BBS5: variants seen among roughly 807,000 people sequenced by gnomAD.
The protein encoded by BBS5 is Bardet-Biedl syndrome 5.
BBS5 carries 39 observed loss-of-function variants against 50.2 expected under a neutral mutation model. That is an observed-to-expected ratio of 0.78 (90% CI 0.60 to 1.01). BBS5 has a LOEUF of 1.01. Ranked by LOEUF, BBS5 falls within the 50% of genes least tolerant of loss-of-function variation. The probability of loss-of-function intolerance (pLI) is 0.00; values close to 1 mark genes in which losing one functional copy is unlikely to be tolerated. For missense variants in BBS5, 356 were observed against 401.5 expected (o/e 0.89, Z 0.97); for synonymous variants, 134 against 133.1 (o/e 1.01, Z -0.05).
At chr2:169,498,671 G>A (rs1574342233) in intron 8 of BBS5, among the ~76,000 whole-genome samples, 1 of 152,040 alleles carries the variant, frequency 6.6e-6, no homozygotes, top group South Asian at 2.1e-4. Flanking sequence ...CGGGCGTGGT[G>A]GCGGGCACCT....
intron 7 of BBS5, among the ~76,000 whole-genome samples, chr2:169,496,563 G>A (rs1683695860): frequency 6.6e-5 from 10 of 150,810 alleles, no homozygotes; most frequent in Admixed American, 4.6e-4. Context: ...GTGAAACCCA[G>A]TATCTACTAA....
rs764755791 is a variant in BBS5 at position 169,488,041 on chromosome 2, C to T, written c.313C>T (p.Arg105Cys). ...LYILTKCNSTRFEFIFTNLVP... is the reference protein window; with the variant it reads ...LYILTKCNSTCFEFIFTNLVP... Reference sequence around the variant, plus strand: ...TATACTAACAAAATGTAACAGTACTCGTTTTGAATTTATATTTACAAATTT... The same window carrying T: ...TATACTAACAAAATGTAACAGTACTTGTTTTGAATTTATATTTACAAATTT... Residue 105 changes from arginine to cysteine, a missense_variant, in exon 5 of 12, where the codon CGT (arginine) becomes TGT (cysteine). Coordinates refer to ENST00000295240, the MANE Select transcript of BBS5 (RefSeq NM_152384.3). The T allele has an allele frequency of 3.1e-6, 5 of 1,613,270 alleles. No individual in the cohort carries two copies. Among genetic ancestry groups the T allele is most frequent in the South Asian group, 1.1e-5 (1 of 91,046 alleles).
chr2:169,497,653 A>G lies in BBS5; in HGVS notation c.645A>G (p.Lys215=). 1 of 1,599,646 alleles carries G rather than the reference A, an allele frequency of 6.3e-7. No homozygotes were observed. Among genetic ancestry groups the G allele is most frequent in the Non-Finnish European group, 8.6e-7 (1 of 1,167,312 alleles). The change falls in exon 8 of 12, where the codon AAA becomes AAG. Residue 215 remains lysine (K), a synonymous_variant. Coordinates refer to ENST00000295240, the MANE Select transcript of BBS5 (RefSeq NM_152384.3). Reference sequence around the variant, plus strand: ...GTTCAATAAAGATTAGAGATTCAAAATTTGGTTTAGCTCTTGTCATAGAAA... The same window carrying G: ...GTTCAATAAAGATTAGAGATTCAAAGTTTGGTTTAGCTCTTGTCATAGAAA... ...QIRSIKIRDS[K]FGLALVIESS...
chr2:169,482,185 T>TC (rs1319006413), intron 1 of BBS5, 66 bp from the exon 2 acceptor site: 17 of 973,664 alleles, frequency 1.7e-5, no homozygotes, highest in African/African-American at 3.2e-5. Context: ...GTCTCTTTTC[T>TC]CCCTAAATAG....
chr2:169,500,760 G>T (rs555108640), intron 9 of BBS5, among the ~76,000 whole-genome samples: 4 of 152,182 alleles, frequency 2.6e-5, no homozygotes, highest in African/African-American at 9.6e-5. Flanking sequence ...TTGCATCTGG[G>T]TTTCTGACAT....
chr2:169,495,079 T>C (rs1683670499), intron 7 of BBS5, among the ~76,000 whole-genome samples: 1 of 152,224 alleles, frequency 6.6e-6, no homozygotes, highest in African/African-American at 2.4e-5. Context: ...GATACAATCA[T>C]GAAAATCATG....
Position 169,504,992 on chromosome 2 carries a change from C to T in BBS5, c.*410C>T, listed in dbSNP as rs1683878903. ...TTTCAAGGGAGCTGATAAAGAACTT[C>T]TTCCCAAAATGGCCGAAGCTGGACT... On this transcript the variant is annotated 3_prime_UTR_variant, in exon 12 of 12. Transcript: ENST00000295240. The T allele has an allele frequency of 1.5e-5, 24 of 1,611,996 alleles. No individual in the cohort carries two copies. Among genetic ancestry groups the T allele is most frequent in the East Asian group, 2.2e-5 (1 of 44,864 alleles).
rs1307902899 is a variant in BBS5, at chr2:169,506,089, G to A, written c.*1507G>A. The A allele has an allele frequency of 6.7e-6, 1 of 149,920 alleles. No individual in the cohort carries two copies. The highest frequency in any genetic ancestry group is 2.5e-5 in the African/African-American group (1 of 39,970). 9.3% of individuals were successfully genotyped at this position (149,920 alleles called of 1,614,324 possible). On this transcript the variant is annotated 3_prime_UTR_variant, in exon 12 of 12. Coordinates refer to ENST00000295240, the MANE Select transcript of BBS5 (RefSeq NM_152384.3). ...GGCTGCCCCTACTGGGAAGTGAGGA[G>A]CCCCTCTGCCCGGCCAGCCGCCCCG... is the stretch of plus-strand genomic sequence containing the variant.
intron 9 of BBS5, among the ~76,000 whole-genome samples, chr2:169,501,031 G>C (rs1683791903): frequency 6.6e-6 from 1 of 152,110 alleles, no homozygotes; most frequent in African/African-American, 2.4e-5. Context: ...CAAATGCTAC[G>C]AGTGGAATTT....
intron 10 of BBS5, 43 bp downstream of exon 10, chr2:169,503,221 A>G: frequency 6.8e-7 from 1 of 1,468,608 alleles, no homozygotes; most frequent in Non-Finnish European, 9.5e-7. Context: ...TAAGGATTTT[A>G]TCTCAGTCTT....
intron 5 of BBS5, among the ~76,000 whole-genome samples, chr2:169,489,607 GTT>G (rs1303524579): frequency 2.7e-5 from 4 of 150,610 alleles, no homozygotes; most frequent in African/African-American, 9.7e-5. Flanking sequence ...CACCCAGGCT[GTT>G]TTGTTTTTAT....
chr2:169,484,775 G>GT (rs1683461186), intron 2 of BBS5, among the ~76,000 whole-genome samples: 1 of 152,142 alleles, frequency 6.6e-6, no homozygotes, highest in Non-Finnish European at 1.5e-5. Flanking sequence ...TAATCAGAAA[G>GT]TAAGTCATAG....
chr2:169,481,621 A>AC (rs946307904), intron 1 of BBS5, among the ~76,000 whole-genome samples: 11 of 80,108 alleles, frequency 1.4e-4, no homozygotes, highest in Non-Finnish European at 3.5e-4. Context: ...ATATTTTGCT[A>AC]GGTTTTTTTT....
At chr2:169,499,273 T>C in intron 8 of BBS5, 1 of 515,122 alleles carries the variant, frequency 1.9e-6, no homozygotes, top group South Asian at 2.2e-5. Flanking sequence ...TGTTGCTGCT[T>C]CTTGAAGCTG....
At chr2:169,503,931 T>A (rs1187710482) in intron 10 of BBS5, among the ~76,000 whole-genome samples, 1 of 152,246 alleles carries the variant, frequency 6.6e-6, no homozygotes, top group African/African-American at 2.4e-5. Flanking sequence ...CAGTATCATC[T>A]TCTAAACCAA....
intron 3 of BBS5, 146 bp from the exon 4 acceptor site, chr2:169,487,660 T>A (rs1241762027): frequency 9.1e-6 from 5 of 547,340 alleles, no homozygotes; most frequent in Non-Finnish European, 1.6e-5. Flanking sequence ...TTTATAGTTA[T>A]TTCTTTAAAA....
intron 2 of BBS5, among the ~76,000 whole-genome samples, chr2:169,484,686 A>G (rs1361062662): frequency 2.0e-5 from 3 of 152,240 alleles, no homozygotes; most frequent in South Asian, 4.1e-4. Flanking sequence ...CACACTGCCC[A>G]TAGCTCATAG....
Position 169,504,680 on chromosome 2 carries a change from C to A in BBS5, c.*98C>A, listed in dbSNP as rs1683869990. On this transcript the variant is annotated 3_prime_UTR_variant, in exon 12 of 12. Coordinates refer to ENST00000295240, the MANE Select transcript of BBS5 (RefSeq NM_152384.3). ...CATGGAATAGTTTTTATATTTACAG[C>A]TTTTATATTTAAAACTTGTAAGAGT... The A allele has an allele frequency of 4.2e-6, 5 of 1,178,982 alleles. No homozygotes were observed. The highest frequency in any genetic ancestry group is 5.0e-6 in the Non-Finnish European group (4 of 804,592). 73.0% of individuals were successfully genotyped at this position (1,178,982 alleles called of 1,614,324 possible).
chr2:169,504,197 A>G, intron 10 of BBS5, 106 bp from the exon 11 acceptor site: 3 of 1,008,486 alleles, frequency 3.0e-6, no homozygotes, highest in South Asian at 2.6e-5. Flanking sequence ...AGAATGTGAA[A>G]TACATTTAGT....
Sources: gnomAD v4.1 joint callset for allele counts (sites outside exome capture counted in the v4.1 genomes callset) on GRCh38, gnomAD v4.1.1 for gene constraint, MANE v1.5 for transcripts, NCBI Gene and HGNC (gene_info 2026-07-23, HGNC 2026-07-21) for gene names.